AKAP6: variants seen among roughly 807,000 people sequenced by gnomAD.
The protein encoded by AKAP6 is A-kinase anchor protein 6.
In AKAP6, 58 loss-of-function variants were observed where a neutral mutation model predicts 188.5. That is an observed-to-expected ratio of 0.31 (90% confidence interval 0.25 to 0.38). The LOEUF is 0.38. Among genes scored for constraint, AKAP6 ranks in the 10% least tolerant of loss-of-function variants. The pLI is 1.00. For missense variants in AKAP6, 2,710 were observed against 2,740.0 expected, an observed-to-expected ratio of 0.99 and a Z score of 0.24; for synonymous variants, 989 against 998.6, an observed-to-expected ratio of 0.99 and a Z score of 0.18.
At chr14:32,677,707 C>G (rs1263881751) in intron 7 of AKAP6, among the ~76,000 whole-genome samples, 1 of 152,216 alleles carries the variant, frequency 6.6e-6, no homozygotes, top group Non-Finnish European at 1.5e-5. Flanking sequence ...CTTACTACCT[C>G]TCCTTTACTA....
At chr14:32,338,741 C>T (rs1594516757) in intron 1 of AKAP6, among the ~76,000 whole-genome samples, 1 of 152,080 alleles carries the variant, frequency 6.6e-6, no homozygotes, top group African/African-American at 2.4e-5. Flanking sequence ...CTTAGAGCCT[C>T]ATTTTTCCCC....
intron 2 of AKAP6, among the ~76,000 whole-genome samples, chr14:32,515,688 ACT>A (rs1291258850): frequency 6.6e-6 from 1 of 151,916 alleles, no homozygotes; most frequent in Non-Finnish European, 1.5e-5. Flanking sequence ...AAGAATTCAG[ACT>A]CTCTGATGCC....
At chr14:32,371,224 T>A (rs938389353) in intron 1 of AKAP6, among the ~76,000 whole-genome samples, 1 of 151,964 alleles carries the variant, frequency 6.6e-6, no homozygotes, top group African/African-American at 2.4e-5. Flanking sequence ...AGAACACACA[T>A]ATGTCAAAAG....
chr14:32,541,469 A>G (rs1037074167), intron 3 of AKAP6, among the ~76,000 whole-genome samples: 8 of 152,114 alleles, frequency 5.3e-5, no homozygotes, highest in South Asian at 4.1e-4. Context: ...CAAGACTATC[A>G]TGTTCCCTGC....
intron 7 of AKAP6, among the ~76,000 whole-genome samples, chr14:32,665,876 A>T (rs746461647): frequency 9.2e-5 from 14 of 152,186 alleles, no homozygotes; most frequent in Non-Finnish European, 1.8e-4. Context: ...TATATCAGAT[A>T]TCTTTCCAAT....
At chr14:32,330,620 C>T (rs1285086091) in intron 1 of AKAP6, among the ~76,000 whole-genome samples, 3 of 150,762 alleles carry the variant, frequency 2.0e-5, no homozygotes, top group African/African-American at 7.3e-5. Flanking sequence ...GAATGGCAAC[C>T]ATTGAATTCC....
At chr14:32,361,766 G>A (rs1887672727) in intron 1 of AKAP6, among the ~76,000 whole-genome samples, 2 of 152,136 alleles carry the variant, frequency 1.3e-5, no homozygotes, top group South Asian at 2.1e-4. Flanking sequence ...ATTTCTGTTT[G>A]TTCATTTATT....
chr14:32,822,108 C>T lies in AKAP6; in HGVS notation c.4295C>T (p.Pro1432Leu), dbSNP rs762339145. ...AATAGCTCTCAGTCGTCCATTTCACCAGTGGGTTGTGTAAATGGAAAAGTT... is the reference window on the plus strand; with the variant it reads ...AATAGCTCTCAGTCGTCCATTTCACTAGTGGGTTGTGTAAATGGAAAAGTT... ...LPNSSQSSIS[P>L]VGCVNGKVGD... Residue 1432 changes from proline (P) to leucine (L), a missense_variant, in exon 13 of 14, where the codon CCA (proline) becomes CTA (leucine). Around this residue, in one of 2 missense-constraint regions of AKAP6, gnomAD observed 2,473 missense variants for 2,426.1 expected, o/e 1.02. Transcript: ENST00000280979. 1 of 1,613,886 alleles carries T rather than the reference C, an allele frequency of 6.2e-7. No individual in the cohort carries two copies. The highest frequency in any genetic ancestry group is 1.7e-5 in the Admixed American group (1 of 59,920).
rs1010644010 is a variant in AKAP6, at chr14:32,553,247, C to T, written c.2346+6248C>T. On this transcript the variant is annotated intron_variant, in intron 4 of 13. Coordinates refer to ENST00000280979, the MANE Select transcript of AKAP6 (RefSeq NM_004274.5). ...GCACGGTCTCAGCTCACTGCACCTCCGCCTCCTGGGTCTCCTGGGTTCAAG... is the reference window on the plus strand; with the variant it reads ...GCACGGTCTCAGCTCACTGCACCTCTGCCTCCTGGGTCTCCTGGGTTCAAG... 2.1e-4 allele frequency among the ~76,000 whole-genome samples: 32 copies of T among 151,730 alleles called. No individual in the cohort carries two copies. The Middle Eastern group carries it at 0.01, about 48-fold the overall frequency.
At chr14:32,765,832 C>G (rs945160457) in intron 11 of AKAP6, among the ~76,000 whole-genome samples, 1 of 151,984 alleles carries the variant, frequency 6.6e-6, no homozygotes, top group African/African-American at 2.4e-5. Flanking sequence ...TATGACACAC[C>G]CTAGCAGAAT....
chr14:32,505,063 TC>T (rs1168754802), intron 2 of AKAP6, among the ~76,000 whole-genome samples: 1 of 152,192 alleles, frequency 6.6e-6, no homozygotes, highest in African/African-American at 2.4e-5. Context: ...TACAGTCCTT[TC>T]ATAGGGAGGA....
At chr14:32,804,642 G>A (rs996700706) in intron 12 of AKAP6, among the ~76,000 whole-genome samples, 6 of 152,142 alleles carry the variant, frequency 3.9e-5, no homozygotes, top group Non-Finnish European at 5.9e-5. Flanking sequence ...AACAGAGTTC[G>A]AGAGCAGAGA....
intron 4 of AKAP6, among the ~76,000 whole-genome samples, chr14:32,572,154 A>G (rs764121108): frequency 6.6e-6 from 1 of 152,124 alleles, no homozygotes; most frequent in African/African-American, 2.4e-5. Context: ...GTGGTGTGGT[A>G]CAGTGGGAGG....
chr14:32,335,993 A>G (rs1234175651), intron 1 of AKAP6, among the ~76,000 whole-genome samples: 1 of 151,876 alleles, frequency 6.6e-6, no homozygotes, highest in Non-Finnish European at 1.5e-5. Flanking sequence ...CTTCTCCAGC[A>G]AGGTAGTTCC....
At chr14:32,480,110 C>T (rs371180110) in intron 2 of AKAP6, among the ~76,000 whole-genome samples, 15 of 152,126 alleles carry the variant, frequency 9.9e-5, no homozygotes, top group African/African-American at 3.1e-4. Context: ...GTGTCTCTTA[C>T]TAGTCTGTCT....
intron 2 of AKAP6, among the ~76,000 whole-genome samples, chr14:32,515,926 A>G (rs532581770): frequency 6.6e-6 from 1 of 152,310 alleles, no homozygotes; most frequent in Admixed American, 6.5e-5. Flanking sequence ...TGACCTATAC[A>G]CCACTGAACA....
At chr14:32,399,698 G>T (rs998048800) in intron 1 of AKAP6, among the ~76,000 whole-genome samples, 9 of 152,194 alleles carry the variant, frequency 5.9e-5, no homozygotes, top group Non-Finnish European at 1.2e-4. Context: ...TGTTGAGGAT[G>T]ATAGAAGCTG....
At chr14:32,577,760 C>A (rs964088681) in intron 5 of AKAP6, among the ~76,000 whole-genome samples, 1 of 152,074 alleles carries the variant, frequency 6.6e-6, no homozygotes, top group Non-Finnish European at 1.5e-5. Flanking sequence ...TGTCATTACA[C>A]TCATCCCTGT....
At chr14:32,784,154 C>T (rs61173451) in intron 12 of AKAP6, among the ~76,000 whole-genome samples, 26,622 of 152,054 alleles carry the variant, frequency 0.18, 3,107 homozygotes, top group African/African-American at 0.34. Flanking sequence ...CTTTCTGTTT[C>T]AATGTGCTAG....
Sources: gnomAD v4.1 joint callset for allele counts (sites outside exome capture counted in the v4.1 genomes callset) on GRCh38, gnomAD v4.1.1 for gene constraint, gnomAD v4.1.1 regional missense constraint, MANE v1.5 for transcripts, NCBI Gene and HGNC (gene_info 2026-07-23, HGNC 2026-07-21) for gene names.